The following CELF2 variants were observed in gnomAD, a reference collection of about 807,000 sequenced individuals.
CELF2 encodes CUGBP Elav-like family member 2.
Under a neutral mutation model 62.6 loss-of-function variants are expected in CELF2, and 8 were observed. The ratio of observed to expected loss-of-function variants is 0.13; its 90% CI spans 0.07 to 0.23. The LOEUF (loss-of-function observed/expected upper bound fraction) is 0.23, where lower values mean the gene tolerates loss of function less well. Ranked by LOEUF, CELF2 falls within the 10% of genes least tolerant of loss-of-function variation. CELF2 has a pLI of 1.00. For missense variants in CELF2, 333 were observed against 671.0 expected (o/e 0.50, Z 5.56); for synonymous variants, 258 against 250.0 (o/e 1.03, Z -0.30).
intron 8 of CELF2, among the ~76,000 whole-genome samples, chr10:11,281,858 C>G (rs540336155): frequency 6.6e-6 from 1 of 152,228 alleles, no homozygotes; most frequent in Non-Finnish European, 1.5e-5. Context: ...AATGAAGACA[C>G]GATCACAAGT....
chr10:11,104,130 A>G (rs769383047), intron 1 of CELF2, among the ~76,000 whole-genome samples: 4 of 152,242 alleles, frequency 2.6e-5, no homozygotes, highest in Admixed American at 6.5e-5. Context: ...CATGTTTAAT[A>G]TACCATAAAT....
rs553489388 is a variant in CELF2 at position 11,179,140 on chromosome 10, C to T, written c.271+13458C>T. ...GGAGTAATTTTTAATGCTTTCGCTTCTTTTACCTAAGCCATGTGTGTTCCA... is the reference window on the plus strand; with the variant it reads ...GGAGTAATTTTTAATGCTTTCGCTTTTTTTACCTAAGCCATGTGTGTTCCA... On this transcript the variant is annotated intron_variant, in intron 2 of 12. Coordinates refer to ENST00000633077, the MANE Select transcript of CELF2 (RefSeq NM_001326342.2). Among the ~76,000 whole-genome samples the T allele has an allele frequency of 3.3e-5, 5 of 152,292 alleles. No individual in the cohort carries two copies. The East Asian group carries it at 9.6e-4, about 29-fold the overall frequency.
At chr10:10,856,926 A>T (rs1036805670) in intron 1 of CELF2, among the ~76,000 whole-genome samples, 1 of 152,140 alleles carries the variant, frequency 6.6e-6, no homozygotes, top group African/African-American at 2.4e-5. Context: ...ATTGGACAAA[A>T]TACATGAAAC....
the CELF2 span, among the ~76,000 whole-genome samples, chr10:10,672,078 T>G: frequency 1.3e-5 from 2 of 152,220 alleles, no homozygotes; most frequent in African/African-American, 4.8e-5. Flanking sequence ...GGCCCATTTT[T>G]TAACTGGGTT....
the CELF2 span, among the ~76,000 whole-genome samples, chr10:10,471,485 A>T: frequency 6.6e-6 from 1 of 151,684 alleles, no homozygotes; most frequent in Non-Finnish European, 1.5e-5. Flanking sequence ...TTTATTATAA[A>T]GTATCCCTCT....
At chr10:11,133,356 C>G (rs770795005) in intron 1 of CELF2, among the ~76,000 whole-genome samples, 9 of 152,302 alleles carry the variant, frequency 5.9e-5, no homozygotes, top group African/African-American at 2.2e-4. Flanking sequence ...ATACTGCTCT[C>G]TCTCCCATTG....
At chr10:11,095,149 C>T (rs1246170122) in intron 1 of CELF2, among the ~76,000 whole-genome samples, 4 of 151,990 alleles carry the variant, frequency 2.6e-5, no homozygotes, top group Non-Finnish European at 2.9e-5. Context: ...TGCGTGGCCC[C>T]CGTGATACTT....
At chr10:10,522,964 A>G in the CELF2 span, among the ~76,000 whole-genome samples, 1 of 152,220 alleles carries the variant, frequency 6.6e-6, no homozygotes, top group Non-Finnish European at 1.5e-5. Flanking sequence ...GACAGAGCCA[A>G]GCAAACGGAA....
the CELF2 span, among the ~76,000 whole-genome samples, chr10:10,730,983 G>T: frequency 2.0e-5 from 3 of 152,172 alleles, no homozygotes; most frequent in African/African-American, 7.2e-5. Context: ...GTCCTGAGTG[G>T]TGCTATAGGA....
chr10:10,932,002 G>C lies in CELF2; in HGVS notation c.89+12003G>C, dbSNP rs1314836395. ...ACTATCATGAGAACAGCATGGGAAA[G>C]ACCTGCCCCCATGATTCCATTACCT... On this transcript the variant is annotated intron_variant, in intron 2 of 13. Coordinates refer to the CELF2 transcript ENST00000636488. Among the ~76,000 whole-genome samples the C allele has an allele frequency of 3.3e-5, 5 of 152,116 alleles. No homozygotes were observed. In the East Asian group the frequency reaches 9.6e-4, roughly 29 times the overall value.
chr10:10,631,841 G>A, the CELF2 span, among the ~76,000 whole-genome samples: 1 of 152,194 alleles, frequency 6.6e-6, no homozygotes, highest in Non-Finnish European at 1.5e-5. Flanking sequence ...ACCAGTTAAT[G>A]ACCAAACCTC....
intron 1 of CELF2, among the ~76,000 whole-genome samples, chr10:10,805,883 G>A (rs1291152886): frequency 6.6e-6 from 1 of 152,188 alleles, no homozygotes; most frequent in Non-Finnish European, 1.5e-5. Flanking sequence ...TTGAGACTCG[G>A]TAGTCGAGGA....
At chr10:10,748,776 A>G in the CELF2 span, among the ~76,000 whole-genome samples, 1 of 149,600 alleles carries the variant, frequency 6.7e-6, no homozygotes, top group Non-Finnish European at 1.5e-5. Context: ...AAAAAAAAGA[A>G]TTCTCTCTGA....
intron 1 of CELF2, among the ~76,000 whole-genome samples, chr10:11,101,646 G>A (rs1041463702): frequency 1.3e-5 from 2 of 152,216 alleles, no homozygotes; most frequent in African/African-American, 4.8e-5. Flanking sequence ...AATTAGCTGT[G>A]CTTTCCACAC....
chr10:10,682,349 A>G, the CELF2 span, among the ~76,000 whole-genome samples: 23 of 152,216 alleles, frequency 1.5e-4, no homozygotes, highest in African/African-American at 5.3e-4. Flanking sequence ...CCATTGCTTC[A>G]CCGTTTTTCT....
At chr10:10,968,457 C>T (rs1035376701) in intron 2 of CELF2, among the ~76,000 whole-genome samples, 5 of 152,090 alleles carry the variant, frequency 3.3e-5, no homozygotes, top group South Asian at 4.2e-4. Flanking sequence ...TTCTGTTTCT[C>T]CTGTTGTCGA....
At position 11,197,021 on chromosome 10, in the gene CELF2, A is replaced by G. The variant is rs865955110; in HGVS notation, c.272-20404A>G. On this transcript the variant is annotated intron_variant, in intron 2 of 12. Transcript: ENST00000633077. ...AGGAAGGAGAAAGAAAGAAAGAAAG[A>G]AAGAAAAGAAAGAAAGAAAGAAAGA... Among the ~76,000 whole-genome samples, 38 of 9,132 alleles carry G rather than the reference A, an allele frequency of 4.2e-3. 2 individuals carry two copies. Among genetic ancestry groups the G allele is most frequent in the African/African-American group, 0.02 (35 of 1,772 alleles). The allele number at this position is 9,132 out of a possible 152,430, so 6.0% of individuals were successfully genotyped here. A position where few individuals can be genotyped will look rare whatever the true frequency, so the allele number is the denominator to read the frequency against.
the CELF2 span, among the ~76,000 whole-genome samples, chr10:10,680,199 A>T: frequency 6.6e-6 from 1 of 152,092 alleles, no homozygotes; most frequent in African/African-American, 2.4e-5. Context: ...ATAAACAAAT[A>T]AAAAAATGTA....
chr10:10,633,097 A>G, the CELF2 span, among the ~76,000 whole-genome samples: 2 of 152,286 alleles, frequency 1.3e-5, no homozygotes, highest in Admixed American at 1.3e-4. Context: ...TACTGTGATC[A>G]TTACCATCAT....
Sources: gnomAD v4.1 joint callset for allele counts (sites outside exome capture counted in the v4.1 genomes callset) on GRCh38, gnomAD v4.1.1 for gene constraint, MANE v1.5 for transcripts, NCBI Gene and HGNC (gene_info 2026-07-23, HGNC 2026-07-21) for gene names.